Variants in LRRC4C observed in about 807,000 individuals in gnomAD.
The protein encoded by LRRC4C is leucine-rich repeat-containing protein 4C.
Under a neutral mutation model 33.6 loss-of-function variants are expected in LRRC4C, and 5 were observed. That is an observed-to-expected ratio of 0.15 (90% CI 0.08 to 0.31). LRRC4C has a LOEUF of 0.31. Among genes scored for constraint, LRRC4C ranks in the 10% least tolerant of loss-of-function variants. The pLI is 1.00. For missense variants in LRRC4C, 560 were observed against 796.7 expected (o/e 0.70, Z 3.58); for synonymous variants, 329 against 302.0 (o/e 1.09, Z -0.93).
chr11:40,962,044 G>A (rs1157919548), intron 1 of LRRC4C, among the ~76,000 whole-genome samples: 1 of 151,530 alleles, frequency 6.6e-6, no homozygotes, highest in Non-Finnish European at 1.5e-5. Context: ...GTAAGAAGCG[G>A]AATAATGGCC....
intron 3 of LRRC4C, among the ~76,000 whole-genome samples, chr11:40,481,149 T>A (rs959105701): frequency 6.6e-6 from 1 of 151,884 alleles, no homozygotes; most frequent in African/African-American, 2.4e-5. Context: ...ACTCAGTAAA[T>A]GTTAACTCGT....
At chr11:40,287,639 A>C (rs1294411946) in intron 4 of LRRC4C, among the ~76,000 whole-genome samples, 2 of 152,204 alleles carry the variant, frequency 1.3e-5, no homozygotes, top group African/African-American at 2.4e-5. Flanking sequence ...GAAATGAAAG[A>C]TGCAACTGAT....
chr11:40,987,742 T>C (rs1473811122), intron 1 of LRRC4C, among the ~76,000 whole-genome samples: 1 of 148,620 alleles, frequency 6.7e-6, no homozygotes, highest in Non-Finnish European at 1.5e-5. Context: ...TTTAAAAAAA[T>C]CGTGGTCTCT....
At chr11:41,434,059 C>A (rs1955337967) in intron 1 of LRRC4C, among the ~76,000 whole-genome samples, 1 of 152,036 alleles carries the variant, frequency 6.6e-6, no homozygotes, top group Non-Finnish European at 1.5e-5. Flanking sequence ...GCATTCAAGT[C>A]CACTTCCATC....
At chr11:40,151,686 T>C (rs1858224953) in intron 5 of LRRC4C, among the ~76,000 whole-genome samples, 1 of 152,108 alleles carries the variant, frequency 6.6e-6, no homozygotes, top group Admixed American at 6.5e-5. Context: ...AAGGCCAAAT[T>C]TTCATATTGA....
chr11:41,365,376 A>C (rs1952498750), intron 1 of LRRC4C, among the ~76,000 whole-genome samples: 1 of 152,076 alleles, frequency 6.6e-6, no homozygotes, highest in African/African-American at 2.4e-5. Context: ...GGTCAGTTGC[A>C]AATTATTTCA....
intron 3 of LRRC4C, among the ~76,000 whole-genome samples, chr11:40,542,869 G>C (rs573178849): frequency 6.6e-6 from 1 of 152,042 alleles, no homozygotes; most frequent in Non-Finnish European, 1.5e-5. Flanking sequence ...TTTTGCTTTT[G>C]TGAATGTTTT....
intron 3 of LRRC4C, among the ~76,000 whole-genome samples, chr11:40,326,224 A>T (rs1206449693): frequency 6.6e-6 from 1 of 152,116 alleles, no homozygotes; most frequent in Non-Finnish European, 1.5e-5. Context: ...GGCATAGCTA[A>T]CCCTCACCCA....
At chr11:40,437,047 C>A (rs772473000) in intron 3 of LRRC4C, among the ~76,000 whole-genome samples, 23 of 152,062 alleles carry the variant, frequency 1.5e-4, no homozygotes, top group Non-Finnish European at 8.8e-5. Context: ...CATTGTTATT[C>A]TTTTTTATTA....
chr11:40,454,630 T>C (rs1365925330), intron 3 of LRRC4C, among the ~76,000 whole-genome samples: 1 of 152,208 alleles, frequency 6.6e-6, no homozygotes, highest in Non-Finnish European at 1.5e-5. Context: ...TTCTGATCGT[T>C]ATTTTCAATG....
chr11:40,766,575 A>G (rs1565034343), intron 2 of LRRC4C, among the ~76,000 whole-genome samples: 1 of 151,980 alleles, frequency 6.6e-6, no homozygotes, highest in South Asian at 2.1e-4. Context: ...ATATAAAAAG[A>G]TATACATAGA....
chr11:40,714,444 G>T (rs1056657063), intron 2 of LRRC4C, among the ~76,000 whole-genome samples: 1 of 152,134 alleles, frequency 6.6e-6, no homozygotes, highest in Non-Finnish European at 1.5e-5. Context: ...ACTGACTTCA[G>T]TCCCATTTGG....
At chr11:41,333,340 A>G (rs895541028) in intron 1 of LRRC4C, among the ~76,000 whole-genome samples, 2 of 152,212 alleles carry the variant, frequency 1.3e-5, no homozygotes, top group African/African-American at 2.4e-5. Context: ...ATTTTATTCT[A>G]GAATGAACTA....
At chr11:40,891,851 G>A (rs149974824) in intron 2 of LRRC4C, among the ~76,000 whole-genome samples, 143 of 152,094 alleles carry the variant, frequency 9.4e-4, no homozygotes, top group Non-Finnish European at 1.7e-3. Context: ...GAAGTTCTTC[G>A]GGGGCTGGGC....
intron 3 of LRRC4C, among the ~76,000 whole-genome samples, chr11:40,342,612 A>C (rs571109465): frequency 4.4e-4 from 67 of 152,330 alleles, no homozygotes; most frequent in Non-Finnish European, 6.3e-4. Context: ...AAAACACATA[A>C]AAATTATACA....
intron 2 of LRRC4C, among the ~76,000 whole-genome samples, chr11:40,650,275 C>T (rs1009620746): frequency 3.4e-4 from 51 of 152,196 alleles, no homozygotes; most frequent in Admixed American, 9.2e-4. Flanking sequence ...GTCATGAAGA[C>T]GAAGTGATAC....
intron 1 of LRRC4C, among the ~76,000 whole-genome samples, chr11:41,093,927 C>CAAAAAAAAAAAAAA (rs56173087): frequency 8.5e-5 from 5 of 58,992 alleles, no homozygotes; most frequent in Admixed American, 2.4e-4. Flanking sequence ...CCGTCTCCAC[C>CAAAAAAAAAAAAAA]AAAAAAAAAA....
intron 3 of LRRC4C, among the ~76,000 whole-genome samples, chr11:40,561,670 C>T (rs776686158): frequency 2.0e-5 from 3 of 152,028 alleles, no homozygotes; most frequent in Non-Finnish European, 4.4e-5. Flanking sequence ...CCTCAGCATC[C>T]CAAAGTGCTG....
chr11:41,077,591 AG>A (rs1939250315), intron 1 of LRRC4C, among the ~76,000 whole-genome samples: 1 of 152,132 alleles, frequency 6.6e-6, no homozygotes, highest in South Asian at 2.1e-4. Flanking sequence ...ACAGAGTGGC[AG>A]GGCCCTGGGC....
Sources: gnomAD v4.1 joint callset for allele counts (sites outside exome capture counted in the v4.1 genomes callset) on GRCh38, gnomAD v4.1.1 for gene constraint, MANE v1.5 for transcripts, NCBI Gene and HGNC (gene_info 2026-07-23, HGNC 2026-07-21) for gene names.